The following KLK10 variants were observed in gnomAD, a reference collection of about 807,000 sequenced individuals.
The protein encoded by KLK10 is kallikrein-10.
A neutral mutation model predicts 25.7 loss-of-function variants in KLK10; 27 were observed. That is an observed-to-expected ratio of 1.05 (90% CI 0.77 to 1.45). The LOEUF is 1.45. KLK10 is among the 40% of genes most tolerant of loss of function. The pLI, the probability that KLK10 is intolerant of heterozygous loss-of-function variation, is 0.00. For synonymous variants in KLK10, 173 were observed against 160.1 expected (o/e 1.08, Z -0.61); for missense variants, 386 against 370.0 (o/e 1.04, Z -0.35).
At position 51,015,978 on chromosome 19, in the gene KLK10, C is replaced by CCGG; in HGVS notation, c.447_448insCCG (p.Leu149_Gly150insPro). 6.3e-7 allele frequency: 1 copy of CCGG among 1,578,928 alleles called. No individual in the cohort carries two copies. The highest frequency in any genetic ancestry group is 1.9e-5 in the Admixed American group (1 of 53,618). On this transcript the variant is annotated inframe_insertion, in exon 4 of 6. Coordinates refer to ENST00000358789, the MANE Select transcript of KLK10 (RefSeq NM_145888.3). ...AGCTGCAGGGCCCGGACGCGGGGCC[C>CCGG]CAGCACTACGGGCCTGGCCAGCTTC...
intron 2 of KLK10, among the ~76,000 whole-genome samples, chr19:51,018,024 A>AAAAAAAAAC: frequency 7.5e-6 from 1 of 132,868 alleles, no homozygotes; most frequent in Non-Finnish European, 1.6e-5. Context: ...AAAAAAAAAA[A>AAAAAAAAAC]AGCCGGATGT....
intron 2 of KLK10, among the ~76,000 whole-genome samples, chr19:51,018,164 CAAAAAAAAAA>C (rs35154267): frequency 2.7e-5 from 1 of 36,446 alleles, no homozygotes; most frequent in Non-Finnish European, 4.4e-5. Context: ...TGCCCTGTCT[CAAAAAAAAAA>C]AAAAAAAAAA....
In KLK10 at chr19:51,015,769, G is replaced by A. The variant is rs889343822; in HGVS notation, c.544+113C>T. 7.8e-4 allele frequency: 918 copies of A among 1,170,760 alleles called. 10 individuals carry two copies. Among genetic ancestry groups the A allele is most frequent in the Admixed American group, 4.2e-4 (14 of 33,580 alleles). The allele number at this position is 1,170,760 out of a possible 1,614,324, so 72.5% of individuals were successfully genotyped here. Reference sequence around the variant, plus strand: ...ACCCAGGCATCTAGGACCCCAGCCCGTCCTCCCTCAGATCCAGGAATCCAG... The same window carrying A: ...ACCCAGGCATCTAGGACCCCAGCCCATCCTCCCTCAGATCCAGGAATCCAG... On this transcript the variant is annotated intron_variant, in intron 4 of 5. Transcript: ENST00000358789.
rs2091286163 is a variant in KLK10, at chr19:51,013,268, A to C, written c.*1532T>G. 1 of 152,172 alleles carries C rather than the reference A, an allele frequency of 6.6e-6. No individual in the cohort carries two copies. Among genetic ancestry groups the C allele is most frequent in the Admixed American group, 6.6e-5 (1 of 15,254 alleles). The allele number at this position is 152,172 out of a possible 1,614,324, so 9.4% of individuals were successfully genotyped here. ...CCTACGTATGTCCCCAGCACCCAGC[A>C]CTGGGCCTGGCACATAATAGATGCT... On this transcript the variant is annotated 3_prime_UTR_variant, in exon 6 of 6. Transcript: ENST00000358789.
rs1253620319 is a variant in KLK10 at position 51,013,783 on chromosome 19, C to T, written c.*1017G>A. On this transcript the variant is annotated 3_prime_UTR_variant, in exon 6 of 6. Coordinates refer to ENST00000358789, the MANE Select transcript of KLK10 (RefSeq NM_145888.3). ...CTGTGTATTAACTCCCCTTCCCTCCCCCAATTTCAGGGAGAATCAAACAAT... is the reference window on the plus strand; with the variant it reads ...CTGTGTATTAACTCCCCTTCCCTCCTCCAATTTCAGGGAGAATCAAACAAT... The T allele has an allele frequency of 6.5e-6, 1 of 153,758 alleles. No individual in the cohort carries two copies. Among genetic ancestry groups the T allele is most frequent in the Non-Finnish European group, 1.5e-5 (1 of 68,066 alleles). 9.5% of individuals were successfully genotyped at this position (153,758 alleles called of 1,614,324 possible).
At chr19:51,015,111 G>A (rs1181760815) in intron 5 of KLK10, among the ~76,000 whole-genome samples, 159 bp from the exon 6 acceptor site, 1 of 152,088 alleles carries the variant, frequency 6.6e-6, no homozygotes, top group Admixed American at 6.6e-5. Flanking sequence ...TAGGAATGGA[G>A]GTGGACTTCA....
chr19:51,018,905 G>C, intron 2 of KLK10, 138 bp downstream of exon 2: 1 of 676,438 alleles, frequency 1.5e-6, no homozygotes, highest in Non-Finnish European at 2.6e-6. Flanking sequence ...CTTGGGGGCG[G>C]GCCGTGCTCC....
chr19:51,013,081 CTGGTCTTT>C lies in KLK10; in HGVS notation c.*1711_*1718del, dbSNP rs1266523673. 2 of 152,194 alleles carry C rather than the reference CTGGTCTTT, an allele frequency of 1.3e-5. No individual in the cohort carries two copies. The highest frequency in any genetic ancestry group is 2.9e-5 in the Non-Finnish European group (2 of 68,042). 9.4% of individuals were successfully genotyped at this position (152,194 alleles called of 1,614,324 possible). ...TTTCAAGTTTCCACCGACCTCGCTT[CTGGTCTTT>C]GGATGACAAACCCAGCTGATACGCC... is the stretch of plus-strand genomic sequence containing the variant. On this transcript the variant is annotated 3_prime_UTR_variant, in exon 6 of 6. Coordinates refer to ENST00000358789, the MANE Select transcript of KLK10 (RefSeq NM_145888.3).
In KLK10 at chr19:51,019,053, C is replaced by T. The variant is rs375093483; in HGVS notation, c.78G>A (p.Ala26=). Residue 26 remains alanine, a synonymous_variant, in exon 2 of 6, where the codon GCG becomes GCA. Coordinates refer to ENST00000358789, the MANE Select transcript of KLK10 (RefSeq NM_145888.3). The surrounding 1 kb of genome is among the most constrained non-coding windows in gnomAD (Gnocchi z 4.2). ...ALAKLLPLLM[A]QLWAAEAALL... The stretch of plus-strand genomic sequence containing the variant: ...TGCCCCCGACCTTACCCCAGAGTTG[C>T]GCCATCAGCAGCGGCAGCAGCTTCG... 6.2e-7 allele frequency: 1 copy of T among 1,603,640 alleles called. No homozygotes were observed. Among genetic ancestry groups the T allele is most frequent in the South Asian group, 1.1e-5 (1 of 90,634 alleles).
chr19:51,015,018 G>C, intron 5 of KLK10, 66 bp from the exon 6 acceptor site: 4 of 1,483,316 alleles, frequency 2.7e-6, no homozygotes, highest in Non-Finnish European at 3.7e-6. Flanking sequence ...TTTGGGATCT[G>C]GGGCAGTGGT....
chr19:51,014,939 C>A lies in KLK10; in HGVS notation c.692G>T (p.Gly231Val), dbSNP rs760098715. The change falls in exon 6 of 6, where the codon GGC (glycine) becomes GTC (valine). Residue 231 changes from glycine (G) to valine (V), a missense_variant. By Grantham distance (109) the Gly-to-Val change is moderately radical. Coordinates refer to ENST00000358789, the MANE Select transcript of KLK10 (RefSeq NM_145888.3). ...GQDPCQSDSG[G>V]PLVCDETLQG... is the part of the protein sequence containing the mutation. ...GAGGGTCTCGTCACAGACCAGGGGGCCTCCAGAGTCACTCTGGGGGTGGCA... is the reference window on the plus strand; with the variant it reads ...GAGGGTCTCGTCACAGACCAGGGGGACTCCAGAGTCACTCTGGGGGTGGCA... 8 of 1,613,218 alleles carry A rather than the reference C, an allele frequency of 5.0e-6. No individual in the cohort carries two copies. Among genetic ancestry groups the A allele is most frequent in the African/African-American group, 2.7e-5 (2 of 74,846 alleles).
rs1268743843 is a variant in KLK10 at position 51,013,168 on chromosome 19, G to A, written c.*1632C>T. 1 of 152,200 alleles carries A rather than the reference G, an allele frequency of 6.6e-6. No individual in the cohort carries two copies. Among genetic ancestry groups the A allele is most frequent in the Non-Finnish European group, 1.5e-5 (1 of 68,072 alleles). The allele number at this position is 152,200 out of a possible 1,614,324, so 9.4% of individuals were successfully genotyped here. A position where few individuals can be genotyped will look rare whatever the true frequency, so the allele number is the denominator to read the frequency against. ...GGGGCAGAATGGGAAAGAGGCCACG[G>A]AAGGGAGCTGTGTGCTCAGACCTTG... On this transcript the variant is annotated 3_prime_UTR_variant, in exon 6 of 6. Transcript: ENST00000358789.
In KLK10 at chr19:51,015,390, CAG is replaced by C. The variant is rs1385441350; in HGVS notation, c.678+25_678+26del. 3.1e-6 allele frequency: 5 copies of C among 1,605,082 alleles called. No homozygotes were observed. In the Admixed American group the frequency reaches 8.4e-5, roughly 27 times the overall value. On this transcript the variant is annotated intron_variant, in intron 5 of 5. Coordinates refer to ENST00000358789, the MANE Select transcript of KLK10 (RefSeq NM_145888.3). ...CCTCCCTGTCCTCCCTCCCAGGAGT[CAG>C]AGACTCTCCCTGTTCAGACCCTACC...
intron 5 of KLK10, among the ~76,000 whole-genome samples, 182 bp downstream of exon 5, chr19:51,015,235 T>G: frequency 2.1e-5 from 3 of 142,504 alleles, no homozygotes; most frequent in African/African-American, 7.8e-5. Context: ...GGGAATGGGG[T>G]GGGGTTGGGA....
chr19:51,017,202 C>T lies in KLK10; in HGVS notation c.177G>A (p.Trp59Ter), dbSNP rs1014781362. Residue 59 changes from tryptophan (W) to a stop codon, truncating the protein, a stop_gained, in exon 3 of 6, where the codon TGG becomes TGA. Transcript: ENST00000358789. LOFTEE classifies it high-confidence loss of function. ...AGAGGCCGTTGAAGAGCGAGACCTG[C>T]CAGGGCTGCGAGCCGCGCGCGCACG... is the stretch of plus-strand genomic sequence containing the variant. ...GSPCARGSQP[W>*]QVSLFNGLSF... 12 of 1,612,190 alleles carry T rather than the reference C, an allele frequency of 7.4e-6. 1 individual carries two copies. In the Admixed American group the frequency reaches 1.7e-4, roughly 22 times the overall value.
Position 51,016,046 on chromosome 19 carries a change from G to T in KLK10, c.380C>A (p.Pro127His). The change falls in exon 4 of 6, where the codon CCC becomes CAC. Residue 127 changes from proline (P) to histidine (H), a missense_variant. By Grantham distance (77) the Pro-to-His change is moderately conservative. Transcript: ENST00000358789. ...CTCATCCGTTCGCCTTGGCAGGATGGGGCCTGAGCCCTGGTGGTACTTGGG... is the reference window on the plus strand; with the variant it reads ...CTCATCCGTTCGCCTTGGCAGGATGTGGCCTGAGCCCTGGTGGTACTTGGG... The part of the protein sequence containing the change: ...VHPKYHQGSG[P>H]ILPRRTDEHD... The T allele has an allele frequency of 6.4e-7, 1 of 1,567,502 alleles. No individual in the cohort carries two copies. The highest frequency in any genetic ancestry group is 2.4e-5 in the East Asian group (1 of 42,260).
At chr19:51,018,875 C>T in intron 2 of KLK10, 168 bp downstream of exon 2, 1 of 615,490 alleles carries the variant, frequency 1.6e-6, no homozygotes, top group Non-Finnish European at 2.9e-6. Flanking sequence ...GGGGCCGAGC[C>T]AGAAGAAGGG....
rs1219127006 is a variant in KLK10 at position 51,018,219 on chromosome 19, C to CAAGA, written c.88+820_88+823dup. On this transcript the variant is annotated intron_variant, in intron 2 of 5. Transcript: ENST00000358789. ...AGAAAAAGAGAGAGAAAGAAAAAAA[C>CAAGA]AAGAAAGAAAGAAGAAAAAATAAGA... Among the ~76,000 whole-genome samples the CAAGA allele has an allele frequency of 7.0e-5, 3 of 42,928 alleles. No homozygotes were observed. In the East Asian group the frequency reaches 1.5e-3, roughly 22 times the overall value. The allele number at this position is 42,928 out of a possible 152,430, so 28.2% of individuals were successfully genotyped here.
At position 51,016,048 on chromosome 19, in the gene KLK10, G is replaced by T. The variant is rs2091323561; in HGVS notation, c.378C>A (p.Gly126=). 6.4e-7 allele frequency: 1 copy of T among 1,567,662 alleles called. No individual in the cohort carries two copies. The highest frequency in any genetic ancestry group is 8.6e-7 in the Non-Finnish European group (1 of 1,156,148). ...VVHPKYHQGS[G]PILPRRTDEH... is the part of the protein sequence containing the mutation. The stretch of plus-strand genomic sequence containing the variant: ...CATCCGTTCGCCTTGGCAGGATGGG[G>T]CCTGAGCCCTGGTGGTACTTGGGAT... The change falls in exon 4 of 6, where the codon GGC becomes GGA. Residue 126 remains glycine (G), a synonymous_variant. Coordinates refer to ENST00000358789, the MANE Select transcript of KLK10 (RefSeq NM_145888.3).
Sources: allele counts gnomAD v4.1 joint callset (sites outside exome capture counted in the v4.1 genomes callset), GRCh38; gene constraint gnomAD v4.1.1; non-coding constraint Gnocchi (gnomAD v3.1); transcripts MANE v1.5; gene names NCBI Gene and HGNC (gene_info 2026-07-23, HGNC 2026-07-21).